The following HDLBP variants were observed in gnomAD, a reference collection of about 807,000 sequenced individuals.
The protein encoded by HDLBP is high density lipoprotein binding protein.
HDLBP carries 30 observed loss-of-function variants against 137.3 expected under a neutral mutation model. The ratio of observed to expected loss-of-function variants is 0.22; its 90% CI spans 0.16 to 0.30. HDLBP has a LOEUF of 0.30. Among genes scored for constraint, HDLBP ranks in the 10% least tolerant of loss-of-function variants. The pLI, the probability that HDLBP is intolerant of heterozygous loss-of-function variation, is 1.00. For synonymous variants in HDLBP, 606 were observed against 596.0 expected (o/e 1.02, Z -0.24); for missense variants, 1,119 against 1,667.3 (o/e 0.67, Z 5.73).
chr2:241,295,046 G>A (rs1201150468), intron 1 of HDLBP, among the ~76,000 whole-genome samples: 1 of 152,136 alleles, frequency 6.6e-6, no homozygotes, highest in Non-Finnish European at 1.5e-5. Context: ...AGGCTGCAGT[G>A]AGCCGAGATT....
intron 1 of HDLBP, among the ~76,000 whole-genome samples, chr2:241,275,823 TTC>T (rs1159543892): frequency 6.6e-6 from 1 of 151,824 alleles, no homozygotes; most frequent in Non-Finnish European, 1.5e-5. Context: ...GATTTAAGAA[TTC>T]TTTTTCATTT....
rs2069473257 is a variant in HDLBP at position 241,229,655 on chromosome 2, G to A, written c.3753C>T (p.Pro1251=). 1 of 1,614,072 alleles carries A rather than the reference G, an allele frequency of 6.2e-7. No individual in the cohort carries two copies. The highest frequency in any genetic ancestry group is 1.1e-5 in the South Asian group (1 of 91,076). The part of the protein sequence containing the change: ...APDMSSSEEF[P]SFGAQVAPKT... Reference sequence around the variant, plus strand: ...TGGGAGCCACCTGAGCCCCAAAGCTGGGAAATTCCTCAGAGCTGCTCATGT... The same window carrying A: ...TGGGAGCCACCTGAGCCCCAAAGCTAGGAAATTCCTCAGAGCTGCTCATGT... Residue 1251 remains proline, a synonymous_variant, in exon 28 of 28, where the codon CCC becomes CCT. Coordinates refer to ENST00000310931, the MANE Select transcript of HDLBP (RefSeq NM_005336.6).
chr2:241,286,796 A>G (rs1269215367), intron 1 of HDLBP, among the ~76,000 whole-genome samples: 1 of 151,938 alleles, frequency 6.6e-6, no homozygotes, highest in Non-Finnish European at 1.5e-5. Flanking sequence ...AAAAATAAAA[A>G]TTAGCCAGGC....
Position 241,231,932 on chromosome 2 carries a change from G to A in HDLBP, c.3289-988C>T, listed in dbSNP as rs951694589. Among the ~76,000 whole-genome samples, 4 of 151,726 alleles carry A rather than the reference G, an allele frequency of 2.6e-5. No homozygotes were observed. The East Asian group carries it at 7.7e-4, about 29-fold the overall frequency. On this transcript the variant is annotated intron_variant, in intron 24 of 27. Coordinates refer to ENST00000310931, the MANE Select transcript of HDLBP (RefSeq NM_005336.6). The stretch of plus-strand genomic sequence containing the variant: ...TCACGCAACAGGACTAGAGGACAGG[G>A]ACAAATCACAACACGGAACCATCAT...
chr2:241,302,559 A>T lies in HDLBP; in HGVS notation c.-103+13011T>A, dbSNP rs926056657. The T allele has an allele frequency of 5.9e-5, 9 of 152,388 alleles. 1 individual carries two copies. Among genetic ancestry groups the T allele is most frequent in the African/African-American group, 2.2e-4 (9 of 41,576 alleles). The allele number at this position is 152,388 out of a possible 1,614,324, so 9.4% of individuals were successfully genotyped here. ...CTCTGTTTCAAAACAAATTGGTAAA[A>T]GTGCCAAATAAATGACCCCCTTTAA... On this transcript the variant is annotated intron_variant, in intron 1 of 27. Coordinates refer to ENST00000310931, the MANE Select transcript of HDLBP (RefSeq NM_005336.6).
chr2:241,247,852 T>G, intron 14 of HDLBP, 151 bp downstream of exon 14: 1 of 615,848 alleles, frequency 1.6e-6, no homozygotes, highest in Non-Finnish European at 2.9e-6. Flanking sequence ...CCGTCACCAC[T>G]TTGTCCCAAG....
At chr2:241,234,348 A>G (rs977911797) in intron 23 of HDLBP, among the ~76,000 whole-genome samples, 1 of 152,216 alleles carries the variant, frequency 6.6e-6, no homozygotes, top group Non-Finnish European at 1.5e-5. Flanking sequence ...ACTGGGGCAG[A>G]TGCAGACCAA....
At chr2:241,315,482 TCTC>T (rs902219189) in intron 1 of HDLBP, 85 bp downstream of exon 1, 1 of 152,382 alleles carries the variant, frequency 6.6e-6, no homozygotes, top group African/African-American at 2.4e-5. Context: ...CGACCGCCTC[TCTC>T]CTCCTCAGTG....
At chr2:241,236,259 C>T in intron 21 of HDLBP, 1 of 309,494 alleles carries the variant, frequency 3.2e-6, no homozygotes, top group Non-Finnish European at 6.1e-6. Context: ...GTGAGCTAGG[C>T]CTGATAACCC....
At position 241,248,265 on chromosome 2, in the gene HDLBP, T is replaced by G; in HGVS notation, c.1596A>C (p.Glu532Asp). 2.5e-6 allele frequency: 4 copies of G among 1,613,994 alleles called. No individual in the cohort carries two copies. The highest frequency in any genetic ancestry group is 3.4e-6 in the Non-Finnish European group (4 of 1,179,830). Reference sequence around the variant, plus strand: ...TTACCTCTGGGAATTTGTCACGAATTTCACGGATCCGTTCACCCTTCTGCC... The same window carrying G: ...TTACCTCTGGGAATTTGTCACGAATGTCACGGATCCGTTCACCCTTCTGCC... ...IIGQKGERIR[E>D]IRDKFPEVII... Residue 532 changes from glutamate to aspartate, a missense_variant, in exon 13 of 28, where the codon GAA (glutamate) becomes GAC (aspartate). Physicochemically the swap from Glu to Asp is conservative, Grantham distance 45. Transcript: ENST00000310931.
chr2:241,311,674 G>A (rs1238861289), intron 1 of HDLBP, among the ~76,000 whole-genome samples: 3 of 152,132 alleles, frequency 2.0e-5, no homozygotes, highest in South Asian at 2.1e-4. Context: ...TGAGCAAGCA[G>A]CAAGCAAACA....
At chr2:241,241,750 CAG>C (rs1217661183) in intron 17 of HDLBP, among the ~76,000 whole-genome samples, 1 of 151,818 alleles carries the variant, frequency 6.6e-6, no homozygotes, top group Admixed American at 6.6e-5. Context: ...AAAAGAGTAA[CAG>C]TAGTTAGATC....
Position 241,272,534 on chromosome 2 carries a change from GAGACTCGGAGCCGGCCCC to G in HDLBP, c.-102-4011_-102-3994del. 1.0e-6 allele frequency: 1 copy of G among 984,602 alleles called. No individual in the cohort carries two copies. Among genetic ancestry groups the G allele is most frequent in the Non-Finnish European group, 1.2e-6 (1 of 829,676 alleles). The allele number at this position is 984,602 out of a possible 1,614,324, so 61.0% of individuals were successfully genotyped here. ...CTCCGCGCCACGGCCACGCGCAGAA[GAGACTCGGAGCCGGCCCC>G]AGGTCTGGCCCGGAACCGCCACGCG... On this transcript the variant is annotated intron_variant, in intron 1 of 27. Transcript: ENST00000310931. This position sits in a 1 kb window ranked among gnomAD's most constrained non-coding sequence, Gnocchi z 5.6.
At chr2:241,255,277 G>T in intron 8 of HDLBP, 97 bp downstream of exon 8, 1 of 1,417,358 alleles carries the variant, frequency 7.1e-7, no homozygotes, top group Non-Finnish European at 1.0e-6. Flanking sequence ...CACCTGCACT[G>T]TGTCCAGGCC....
intron 1 of HDLBP, among the ~76,000 whole-genome samples, chr2:241,297,720 T>G (rs1374528374): frequency 6.6e-6 from 1 of 151,888 alleles, no homozygotes; most frequent in Non-Finnish European, 1.5e-5. Flanking sequence ...CAGAATATCC[T>G]GTGGTACAAG....
rs116805593 is a variant in HDLBP at position 241,302,448 on chromosome 2, C to T, written c.-103+13122G>A. 6.1e-3 allele frequency among the ~76,000 whole-genome samples: 934 copies of T among 152,232 alleles called. 5 individuals carry two copies. The highest frequency in any genetic ancestry group is 0.022 in the African/African-American group (893 of 41,532). On this transcript the variant is annotated intron_variant, in intron 1 of 27. Transcript: ENST00000310931. The stretch of plus-strand genomic sequence containing the variant: ...TATAGTCCTAGCTACTCGGCAGAAG[C>T]AGGAGGATTACTTGAGCTCAGGAGT...
At chr2:241,257,923 T>C (rs753371149) in intron 5 of HDLBP, among the ~76,000 whole-genome samples, 6 of 152,086 alleles carry the variant, frequency 3.9e-5, no homozygotes, top group African/African-American at 7.2e-5. Flanking sequence ...ATATAAACAT[T>C]TAGGACATGA....
chr2:241,291,104 T>C (rs1240595357), intron 1 of HDLBP, among the ~76,000 whole-genome samples: 1 of 152,162 alleles, frequency 6.6e-6, no homozygotes, highest in Non-Finnish European at 1.5e-5. Flanking sequence ...AGAAAGGGAA[T>C]AAAAGATGCT....
At chr2:241,241,025 A>G (rs2071160645) in intron 17 of HDLBP, among the ~76,000 whole-genome samples, 1 of 152,232 alleles carries the variant, frequency 6.6e-6, no homozygotes, top group South Asian at 2.1e-4. Flanking sequence ...CTTTTCAAAG[A>G]CATCCACAAA....
Sources: gnomAD v4.1 joint callset for allele counts (sites outside exome capture counted in the v4.1 genomes callset) on GRCh38, gnomAD v4.1.1 for gene constraint, Gnocchi (gnomAD v3.1) non-coding constraint, MANE v1.5 for transcripts, NCBI Gene and HGNC (gene_info 2026-07-23, HGNC 2026-07-21) for gene names.